JAZF1: variants seen among roughly 807,000 people sequenced by gnomAD.
JAZF1 encodes the protein juxtaposed with another zinc finger protein 1.
A neutral mutation model predicts 26.4 loss-of-function variants in JAZF1; 8 were observed. The ratio of observed to expected loss-of-function variants is 0.30; its 90% CI spans 0.18 to 0.55. The LOEUF (loss-of-function observed/expected upper bound fraction) is 0.55. JAZF1 is among the 20% of genes least tolerant of loss of function. The pLI, the probability that JAZF1 is intolerant of heterozygous loss-of-function variation, is 0.94. For synonymous variants in JAZF1, 126 were observed against 122.3 expected, an observed-to-expected ratio of 1.03 and a Z score of -0.20; for missense variants, 199 against 322.0, an observed-to-expected ratio of 0.62 and a Z score of 2.92.
chr7:27,966,479 ACAATTCAAGG>A (rs1482192688), intron 2 of JAZF1, among the ~76,000 whole-genome samples: 2 of 152,214 alleles, frequency 1.3e-5, no homozygotes, highest in African/African-American at 4.8e-5. Context: ...TGAGAAAAAC[ACAATTCAAGG>A]CTGACCCTGG....
At chr7:27,949,495 A>C (rs191964267) in intron 2 of JAZF1, among the ~76,000 whole-genome samples, 233 of 152,290 alleles carry the variant, frequency 1.5e-3, no homozygotes, top group Non-Finnish European at 1.4e-3. Flanking sequence ...TGAGCCACAA[A>C]GTGTGCTCTT....
chr7:27,866,641 G>A (rs1345223074), intron 3 of JAZF1, among the ~76,000 whole-genome samples: 1 of 152,128 alleles, frequency 6.6e-6, no homozygotes, highest in Non-Finnish European at 1.5e-5. Flanking sequence ...TTTGAACAAC[G>A]ACCAAGGAAC....
At chr7:27,909,097 C>G (rs1784314907) in intron 2 of JAZF1, among the ~76,000 whole-genome samples, 2 of 151,782 alleles carry the variant, frequency 1.3e-5, no homozygotes, top group Non-Finnish European at 2.9e-5. Flanking sequence ...GCAGCCTCGA[C>G]CTGCTGGGCT....
chr7:27,957,659 T>C (rs2128356381), intron 2 of JAZF1, among the ~76,000 whole-genome samples: 1 of 152,322 alleles, frequency 6.6e-6, no homozygotes, highest in South Asian at 2.1e-4. Context: ...ATCTTGCAAA[T>C]GCCCCTGCTC....
At chr7:27,980,178 CCTAA>C (rs1202174717) in intron 2 of JAZF1, among the ~76,000 whole-genome samples, 1 of 152,192 alleles carries the variant, frequency 6.6e-6, no homozygotes, top group Non-Finnish European at 1.5e-5. Flanking sequence ...GAGCCTAGAG[CCTAA>C]CTGTGTAGGT....
intron 1 of JAZF1, among the ~76,000 whole-genome samples, chr7:27,994,872 A>G (rs1007795367): frequency 6.6e-6 from 1 of 152,132 alleles, no homozygotes; most frequent in African/African-American, 2.4e-5. Context: ...TGCCTTCAGT[A>G]TTTCTCCCTC....
At chr7:28,036,763 T>C (rs1758848971) in intron 1 of JAZF1, among the ~76,000 whole-genome samples, 1 of 152,194 alleles carries the variant, frequency 6.6e-6, no homozygotes, top group South Asian at 2.1e-4. Flanking sequence ...GCCTGGGCAC[T>C]CAGGGGTATG....
At chr7:28,082,320 G>C (rs1317514316) in intron 1 of JAZF1, among the ~76,000 whole-genome samples, 2 of 152,092 alleles carry the variant, frequency 1.3e-5, no homozygotes, top group Admixed American at 1.3e-4. Context: ...ACATTTCACT[G>C]GGCTGAGGAG....
intron 2 of JAZF1, among the ~76,000 whole-genome samples, chr7:27,973,329 A>C (rs1785412469): frequency 6.6e-6 from 1 of 152,084 alleles, no homozygotes; most frequent in Admixed American, 6.6e-5. Context: ...TTTCTGAGAC[A>C]GGGTCTCACT....
intron 3 of JAZF1, among the ~76,000 whole-genome samples, chr7:27,865,638 G>A (rs995972451): frequency 1.5e-4 from 23 of 151,968 alleles, no homozygotes; most frequent in African/African-American, 2.4e-4. Context: ...AGTTTTTGGC[G>A]ACCATCGACA....
chr7:28,123,603 G>A (rs551895416), intron 1 of JAZF1, among the ~76,000 whole-genome samples: 2 of 152,356 alleles, frequency 1.3e-5, no homozygotes, highest in South Asian at 4.1e-4. Flanking sequence ...TGCCCATTGT[G>A]TGCTGGCCAC....
At chr7:28,063,999 C>T (rs1783839548) in intron 1 of JAZF1, among the ~76,000 whole-genome samples, 1 of 151,962 alleles carries the variant, frequency 6.6e-6, no homozygotes, top group African/African-American at 2.4e-5. Context: ...AACATGACTG[C>T]AATAAATGCT....
intron 2 of JAZF1, among the ~76,000 whole-genome samples, chr7:27,917,818 G>A (rs1358095754): frequency 2.6e-5 from 4 of 152,178 alleles, no homozygotes; most frequent in East Asian, 1.9e-4. Context: ...TGCATAGACC[G>A]TTTTATTTAC....
intron 1 of JAZF1, among the ~76,000 whole-genome samples, chr7:28,126,581 G>A (rs1035125108): frequency 2.6e-5 from 4 of 152,150 alleles, no homozygotes; most frequent in Non-Finnish European, 5.9e-5. Context: ...GAGACCAGAG[G>A]CTCTGAGTGT....
intron 1 of JAZF1, among the ~76,000 whole-genome samples, chr7:28,083,970 T>C (rs1207805862): frequency 1.3e-5 from 2 of 152,082 alleles, no homozygotes; most frequent in African/African-American, 4.8e-5. Context: ...TCTAACAATA[T>C]AAAGCAAATA....
intron 2 of JAZF1, among the ~76,000 whole-genome samples, chr7:27,924,231 C>T (rs1031616276): frequency 1.3e-5 from 2 of 152,190 alleles, no homozygotes; most frequent in African/African-American, 4.8e-5. Flanking sequence ...GCGCCCGCCA[C>T]CATGCCCGGC....
At chr7:27,941,500 C>G (rs1053834914) in intron 2 of JAZF1, among the ~76,000 whole-genome samples, 3 of 152,132 alleles carry the variant, frequency 2.0e-5, no homozygotes, top group Non-Finnish European at 4.4e-5. Context: ...AAAATGCAAC[C>G]CTGAGTGCTA....
chr7:28,092,781 GC>G (rs1049230648), intron 1 of JAZF1, among the ~76,000 whole-genome samples: 6 of 151,846 alleles, frequency 4.0e-5, no homozygotes, highest in East Asian at 1.9e-4. Context: ...GATCACCTGG[GC>G]CTGGGAAGAT....
At chr7:28,126,335 G>A (rs986604056) in intron 1 of JAZF1, among the ~76,000 whole-genome samples, 2 of 152,150 alleles carry the variant, frequency 1.3e-5, no homozygotes, top group Admixed American at 6.5e-5. Context: ...TAGTTCAGGG[G>A]AGAGATAAAT....
Sources: gnomAD v4.1 joint callset for allele counts (sites outside exome capture counted in the v4.1 genomes callset) on GRCh38, gnomAD v4.1.1 for gene constraint, MANE v1.5 for transcripts, NCBI Gene and HGNC (gene_info 2026-07-23, HGNC 2026-07-21) for gene names.